The following SMG1 variants were observed in gnomAD, a reference collection of about 807,000 sequenced individuals.
SMG1 encodes the protein SMG1 nonsense mediated mRNA decay associated PI3K related kinase.
In SMG1, 22 loss-of-function variants were observed where a neutral mutation model predicts 419.9. The observed-to-expected ratio is 0.05, with a 90% CI of 0.04 to 0.07. The LOEUF is 0.07. Among genes scored for constraint, SMG1 ranks in the 10% least tolerant of loss-of-function variants. The pLI is 1.00. For synonymous variants in SMG1, 1,538 were observed against 1,553.5 expected (o/e 0.99, Z 0.23); for missense variants, 3,185 against 4,342.0 (o/e 0.73, Z 7.49).
rs747244036 is a variant in SMG1 at position 18,863,635 on chromosome 16, A to C, written c.3695+15T>G. 6.3e-6 allele frequency: 10 copies of C among 1,592,320 alleles called. No individual in the cohort carries two copies. The highest frequency in any genetic ancestry group is 8.5e-6 in the Non-Finnish European group (10 of 1,176,194). On this transcript the variant is annotated intron_variant, in intron 25 of 62. Transcript: ENST00000446231. ...ATTGGAAATTTGTTTTATAACTGGA[A>C]AAAGTAAGCCTTACTTTATATAGTT...
chr16:18,915,220 A>G (rs2037925900), intron 1 of SMG1, among the ~76,000 whole-genome samples: 1 of 151,998 alleles, frequency 6.6e-6, no homozygotes, highest in African/African-American at 2.4e-5. Flanking sequence ...TGATCCGCCC[A>G]CCTCGGCCTC....
chr16:18,909,018 C>T (rs1322188889), intron 1 of SMG1, among the ~76,000 whole-genome samples: 3 of 151,786 alleles, frequency 2.0e-5, no homozygotes, highest in Non-Finnish European at 4.4e-5. Context: ...ATAAGATTTT[C>T]TAACAATTAC....
Position 18,842,227 on chromosome 16 carries a change from G to A in SMG1, c.6447C>T (p.Ser2149=). The change falls in exon 40 of 63, where the codon AGC becomes AGT. Residue 2149 remains serine (S), a synonymous_variant. Coordinates refer to ENST00000446231, the MANE Select transcript of SMG1 (RefSeq NM_015092.5). The part of the protein sequence containing the change: ...KLLFLGSDGK[S]YPYLFKGLED... ...TCCTACCTTTGAAAAGATAAGGATA[G>A]CTCTTCCCATCTGATCCAAGAAAGA... The A allele has an allele frequency of 6.2e-7, 1 of 1,613,670 alleles. No homozygotes were observed. Among genetic ancestry groups the A allele is most frequent in the Non-Finnish European group, 8.5e-7 (1 of 1,179,718 alleles).
At chr16:18,901,559 C>T (rs111240515) in intron 1 of SMG1, among the ~76,000 whole-genome samples, 9 of 152,268 alleles carry the variant, frequency 5.9e-5, no homozygotes, top group African/African-American at 2.2e-4. Flanking sequence ...CCAATATAGA[C>T]TGATAAGATA....
chr16:18,831,194 A>T (rs1176141101), intron 51 of SMG1, among the ~76,000 whole-genome samples: 2 of 151,828 alleles, frequency 1.3e-5, no homozygotes, highest in Non-Finnish European at 2.9e-5. Context: ...ATTTCTTATC[A>T]CACACACACA....
At chr16:18,820,666 TAA>T (rs913550926) in intron 55 of SMG1, among the ~76,000 whole-genome samples, 2 of 152,196 alleles carry the variant, frequency 1.3e-5, no homozygotes, top group African/African-American at 4.8e-5. Context: ...TCTAAAATCA[TAA>T]AGAGGAAGAG....
chr16:18,812,947 G>A (rs1344238734), intron 60 of SMG1, among the ~76,000 whole-genome samples: 1 of 152,024 alleles, frequency 6.6e-6, no homozygotes, highest in East Asian at 1.9e-4. Context: ...GCGATAGTTT[G>A]CTGAGAATGA....
intron 54 of SMG1, among the ~76,000 whole-genome samples, chr16:18,828,452 C>T (rs1452525353): frequency 6.6e-6 from 1 of 152,250 alleles, no homozygotes; most frequent in East Asian, 1.9e-4. Flanking sequence ...GAAATCAGAG[C>T]TTAAGGAAGT....
rs891682890 is a variant in SMG1, at chr16:18,829,744, G to A, written c.9145C>T (p.Leu3049Phe). 3 of 1,597,620 alleles carry A rather than the reference G, an allele frequency of 1.9e-6. No homozygotes were observed. In the African/African-American group the frequency reaches 4.0e-5, roughly 21 times the overall value. ...FSKTLSGSSS[L>F]EDQNTVNGPV... Reference sequence around the variant, plus strand: ...CCATTCACAGTATTCTGATCTTCAAGTGAACTTGATCCTACAAAAAGGAAA... The same window carrying A: ...CCATTCACAGTATTCTGATCTTCAAATGAACTTGATCCTACAAAAAGGAAA... Residue 3049 changes from leucine to phenylalanine, a missense_variant, in exon 54 of 63, where the codon CTT becomes TTT. Leu to Phe is a conservative substitution (Grantham distance 22, BLOSUM62 0). This residue lies in a region of SMG1 where 737 missense variants were observed against 846.6 expected (regional missense o/e 0.87). Coordinates refer to ENST00000446231, the MANE Select transcript of SMG1 (RefSeq NM_015092.5).
intron 1 of SMG1, among the ~76,000 whole-genome samples, chr16:18,909,179 C>T (rs1044209626): frequency 2.7e-5 from 4 of 150,156 alleles, no homozygotes; most frequent in African/African-American, 7.4e-5. Context: ...CCTGTCTCCA[C>T]TAAAAATACA....
intron 1 of SMG1, among the ~76,000 whole-genome samples, chr16:18,905,969 T>C (rs887132823): frequency 9.9e-5 from 15 of 152,106 alleles, no homozygotes; most frequent in African/African-American, 3.4e-4. Context: ...AACAACACTC[T>C]TGCCTATACC....
chr16:18,858,195 C>G lies in SMG1; in HGVS notation c.4209G>C (p.Gln1403His). The part of the protein sequence containing the change: ...WMQALRYTMY[Q>H]NQLLEKIKEQ... The stretch of plus-strand genomic sequence containing the variant: ...CTTTAATTTTCTCCAACAACTGATT[C>G]TGGTACATAGTATACCTTAATGCCT... Residue 1403 changes from glutamine (Q) to histidine (H), a missense_variant, in exon 29 of 63, where the codon CAG becomes CAC. By Grantham distance (24) the Gln-to-His change is conservative. Coordinates refer to ENST00000446231, the MANE Select transcript of SMG1 (RefSeq NM_015092.5). The G allele has an allele frequency of 6.3e-7, 1 of 1,584,662 alleles. No homozygotes were observed. Among genetic ancestry groups the G allele is most frequent in the Non-Finnish European group, 8.6e-7 (1 of 1,165,578 alleles).
Position 18,879,490 on chromosome 16 carries a change from C to A in SMG1, c.1518+5G>T. 1 of 754,102 alleles carries A rather than the reference C, an allele frequency of 1.3e-6. No individual in the cohort carries two copies. The highest frequency in any genetic ancestry group is 2.3e-6 in the Non-Finnish European group (1 of 439,712). 46.7% of individuals were successfully genotyped at this position (754,102 alleles called of 1,614,324 possible). On this transcript the variant is annotated splice_donor_5th_base_variant and intron_variant, in intron 11 of 62. Coordinates refer to ENST00000446231, the MANE Select transcript of SMG1 (RefSeq NM_015092.5). ...CATTAAAAAGGAAAAGAATAATTCA[C>A]ATACCAGCGTGAGTAAATTCAAGAC...
rs763736857 is a variant in SMG1 at position 18,882,345 on chromosome 16, G to A, written c.1120-7C>T. ...AGGCCACATGGCTGAGGTCCTAGATGTGAATTCACAGCATTCTTAATAAGT... is the reference window on the plus strand; with the variant it reads ...AGGCCACATGGCTGAGGTCCTAGATATGAATTCACAGCATTCTTAATAAGT... On this transcript the variant is annotated splice_region_variant and splice_polypyrimidine_tract_variant and intron_variant, in intron 9 of 62. Coordinates refer to ENST00000446231, the MANE Select transcript of SMG1 (RefSeq NM_015092.5). 36 of 1,556,156 alleles carry A rather than the reference G, an allele frequency of 2.3e-5. No homozygotes were observed. The highest frequency in any genetic ancestry group is 4.6e-5 in the East Asian group (2 of 43,802).
At chr16:18,919,346 C>T (rs1405244373) in intron 1 of SMG1, among the ~76,000 whole-genome samples, 1 of 151,284 alleles carries the variant, frequency 6.6e-6, no homozygotes, top group Non-Finnish European at 1.5e-5. Flanking sequence ...AATTTATGAC[C>T]GGGCACGGTG....
In SMG1 at chr16:18,839,547, A is replaced by G. The variant is rs372417383; in HGVS notation, c.6945+151T>C. ...CGGACACAGTCATGTTCATGCCTTT[A>G]TAACTGTAATATTAAACTCAAATAT... On this transcript the variant is annotated intron_variant, in intron 42 of 62. Transcript: ENST00000446231. 4.2e-5 allele frequency: 41 copies of G among 970,814 alleles called. No individual in the cohort carries two copies. In the African/African-American group the frequency reaches 5.4e-4, roughly 13 times the overall value. The allele number at this position is 970,814 out of a possible 1,614,324, so 60.1% of individuals were successfully genotyped here. A position where few individuals can be genotyped will look rare whatever the true frequency, so the allele number is the denominator to read the frequency against.
At chr16:18,811,713 T>C (rs776202982) in intron 62 of SMG1, 48 bp downstream of exon 62, 2 of 1,499,568 alleles carry the variant, frequency 1.3e-6, no homozygotes, top group Non-Finnish European at 1.9e-6. Context: ...ACACCTCTAC[T>C]TTTCCAGCAG....
intron 1 of SMG1, 113 bp from the exon 2 acceptor site, chr16:18,897,069 A>G (rs1368712354): frequency 1.5e-5 from 10 of 671,606 alleles, no homozygotes; most frequent in African/African-American, 3.7e-5. Context: ...ATTTAGTGTA[A>G]TATGTACTAT....
In SMG1 at chr16:18,926,156, A is replaced by AAGGAGGAGGAGGAGGAGGAGG. The variant is rs367683864; in HGVS notation, c.-136_-116dup. 2 of 655,712 alleles carry AAGGAGGAGGAGGAGGAGGAGG rather than the reference A, an allele frequency of 3.1e-6. No homozygotes were observed. The highest frequency in any genetic ancestry group is 4.5e-4 in the Middle Eastern group (1 of 2,240). 40.6% of individuals were successfully genotyped at this position (655,712 alleles called of 1,614,324 possible). A position where few individuals can be genotyped will look rare whatever the true frequency, so the allele number is the denominator to read the frequency against. Reference sequence around the variant, plus strand: ...GCCCGGGGCTGAGGAGGAAGCCGAGAAGGAGGAGGAGGAGGAGGAGGAGGA... The same window carrying AAGGAGGAGGAGGAGGAGGAGG: ...GCCCGGGGCTGAGGAGGAAGCCGAGAAGGAGGAGGAGGAGGAGGAGGAGGAGGAGGAGGAGGAGGAGGAGGA... On this transcript the variant is annotated 5_prime_UTR_variant, in exon 1 of 63. Coordinates refer to ENST00000446231, the MANE Select transcript of SMG1 (RefSeq NM_015092.5).
Sources: gnomAD v4.1 joint callset for allele counts (sites outside exome capture counted in the v4.1 genomes callset) on GRCh38, gnomAD v4.1.1 for gene constraint, gnomAD v4.1.1 regional missense constraint, MANE v1.5 for transcripts, NCBI Gene and HGNC (gene_info 2026-07-23, HGNC 2026-07-21) for gene names.